ARHGEF11: variants seen among roughly 807,000 people sequenced by gnomAD.
The protein encoded by ARHGEF11 is Rho guanine nucleotide exchange factor 11, also known as Rho guanine exchange factor (GEF) 11.
A neutral mutation model predicts 193.7 loss-of-function variants in ARHGEF11; 55 were observed. That is an observed-to-expected ratio of 0.28 (90% CI 0.23 to 0.36). The LOEUF is 0.36. Ranked by LOEUF, ARHGEF11 falls within the 10% of genes least tolerant of loss-of-function variation. ARHGEF11 has a pLI of 1.00. For synonymous variants in ARHGEF11, 693 were observed against 768.0 expected, an observed-to-expected ratio of 0.90 and a Z score of 1.62; for missense variants, 1,723 against 2,005.6, an observed-to-expected ratio of 0.86 and a Z score of 2.69.
In ARHGEF11 at chr1:156,935,909, G is replaced by T; in HGVS notation, c.*91C>A. 7.2e-7 allele frequency: 1 copy of T among 1,396,904 alleles called. No individual in the cohort carries two copies. The highest frequency in any genetic ancestry group is 9.8e-7 in the Non-Finnish European group (1 of 1,023,502). 86.5% of individuals were successfully genotyped at this position (1,396,904 alleles called of 1,614,324 possible). ...CCCTAACTGCCTCCTCCACAGGGAG[G>T]AGTGTTGGGATCCCCCCTACCCTGT... On this transcript the variant is annotated 3_prime_UTR_variant, in exon 41 of 41. Coordinates refer to ENST00000368194, the MANE Select transcript of ARHGEF11 (RefSeq NM_198236.3).
intron 27 of ARHGEF11, 42 bp from the exon 28 acceptor site, chr1:156,946,829 T>C (rs1375929821): frequency 8.1e-6 from 13 of 1,605,794 alleles, no homozygotes; most frequent in Non-Finnish European, 1.0e-5. Flanking sequence ...ATCAAACCCC[T>C]GCCTGGGACC....
chr1:156,962,308 G>A (rs1449885819), intron 13 of ARHGEF11, among the ~76,000 whole-genome samples: 1 of 152,136 alleles, frequency 6.6e-6, no homozygotes, highest in African/African-American at 2.4e-5. Flanking sequence ...AGACAAAACA[G>A]CAGCCCATGC....
intron 35 of ARHGEF11, 145 bp downstream of exon 35, chr1:156,941,227 C>A: frequency 1.4e-6 from 1 of 698,738 alleles, no homozygotes; most frequent in East Asian, 2.9e-5. Flanking sequence ...GACTCTTCCT[C>A]CCGCCCTGTT....
At position 156,963,555 on chromosome 1, in the gene ARHGEF11, C is replaced by G. The variant is rs1278316344; in HGVS notation, c.1003G>C (p.Glu335Gln). The stretch of plus-strand genomic sequence containing the variant: ...AAATAACCCGGGTCATAGTCTTCCT[C>G]TGGGCCAATAATTAAAGGCTTTGGG... ...QSPKPLIIGP[E>Q]EDYDPGYFNN... is the part of the protein sequence containing the mutation. The change falls in exon 12 of 41, where the codon GAG becomes CAG. Residue 335 changes from glutamate (E) to glutamine (Q), a missense_variant. Physicochemically the swap from Glu to Gln is conservative, Grantham distance 29. Around this residue, in one of 5 missense-constraint regions of ARHGEF11, gnomAD observed 646 missense variants for 710.7 expected, o/e 0.91. Coordinates refer to ENST00000368194, the MANE Select transcript of ARHGEF11 (RefSeq NM_198236.3). 1.2e-6 allele frequency: 2 copies of G among 1,613,882 alleles called. No individual in the cohort carries two copies. Among genetic ancestry groups the G allele is most frequent in the Non-Finnish European group, 1.7e-6 (2 of 1,179,924 alleles).
intron 30 of ARHGEF11, among the ~76,000 whole-genome samples, 177 bp downstream of exon 30, chr1:156,944,842 T>C (rs1557831580): frequency 6.6e-6 from 1 of 152,218 alleles, no homozygotes; most frequent in Non-Finnish European, 1.5e-5. Flanking sequence ...CGGCCTGCCT[T>C]GTCCATCTAG....
chr1:156,940,560 G>A, intron 35 of ARHGEF11, 135 bp from the exon 36 acceptor site: 2 of 720,272 alleles, frequency 2.8e-6, no homozygotes, highest in South Asian at 2.4e-5. Context: ...ACTTCCCATG[G>A]CCAGCACTGT....
At chr1:156,950,335 G>C (rs1658888331) in intron 22 of ARHGEF11, among the ~76,000 whole-genome samples, 1 of 152,162 alleles carries the variant, frequency 6.6e-6, no homozygotes, top group Non-Finnish European at 1.5e-5. Context: ...TTGATAATTA[G>C]TTATTTCAAA....
At chr1:156,941,478 C>A in intron 34 of ARHGEF11, 45 bp from the exon 35 acceptor site, 1 of 1,581,998 alleles carries the variant, frequency 6.3e-7, no homozygotes, top group East Asian at 2.2e-5. Context: ...TGAGATTCCA[C>A]CCTGGACTCA....
At chr1:156,947,538 C>A in intron 25 of ARHGEF11, 88 bp from the exon 26 acceptor site, 1 of 1,440,058 alleles carries the variant, frequency 6.9e-7, no homozygotes. Context: ...GTTCCCACAC[C>A]ACTCTATTTT....
Position 156,935,928 on chromosome 1 carries a change from A to T in ARHGEF11, c.*72T>A. ...AGGGAGGAGTGTTGGGATCCCCCCT[A>T]CCCTGTGCCCCGGTCTCAGGCCAGT... On this transcript the variant is annotated 3_prime_UTR_variant, in exon 41 of 41. Transcript: ENST00000368194. 1 of 1,517,910 alleles carries T rather than the reference A, an allele frequency of 6.6e-7. No individual in the cohort carries two copies. The highest frequency in any genetic ancestry group is 9.0e-7 in the Non-Finnish European group (1 of 1,111,786). 94.0% of individuals were successfully genotyped at this position (1,517,910 alleles called of 1,614,324 possible).
intron 1 of ARHGEF11, among the ~76,000 whole-genome samples, chr1:157,042,771 C>T (rs534554160): frequency 1.3e-5 from 2 of 152,296 alleles, no homozygotes; most frequent in African/African-American, 4.8e-5. Context: ...ACTTGGGTTC[C>T]CATCTTCTCA....
Position 157,044,382 on chromosome 1 carries a change from T to C in ARHGEF11, c.-52A>G. On this transcript the variant is annotated 5_prime_UTR_variant, in exon 1 of 41. Transcript: ENST00000368194. ...GAATCCTGTAGCTTTGGTGTCTTGA[T>C]CAGGATTGAATCGCTTGCAATTTTT... The C allele has an allele frequency of 1.3e-6, 2 of 1,598,036 alleles. No homozygotes were observed. The highest frequency in any genetic ancestry group is 1.7e-6 in the Non-Finnish European group (2 of 1,165,884).
intron 37 of ARHGEF11, chr1:156,938,887 A>C (rs1165628992): frequency 4.3e-6 from 1 of 230,588 alleles, no homozygotes; most frequent in Admixed American, 5.6e-5. Context: ...CCACCCTCTC[A>C]GACCAGCCCA....
At chr1:156,959,943 C>CCCCCCAA (rs1553204878) in intron 15 of ARHGEF11, among the ~76,000 whole-genome samples, 2 of 97,100 alleles carry the variant, frequency 2.1e-5, no homozygotes, top group African/African-American at 3.9e-5. Flanking sequence ...CCCCCCCCCC[C>CCCCCCAA]AAAAAAAACA....
intron 13 of ARHGEF11, among the ~76,000 whole-genome samples, chr1:156,962,892 A>C (rs1381136629): frequency 6.7e-6 from 1 of 150,166 alleles, no homozygotes; most frequent in Non-Finnish European, 1.5e-5. Flanking sequence ...AAAAAAAAAA[A>C]AAAAAAAAAA....
intron 1 of ARHGEF11, among the ~76,000 whole-genome samples, chr1:157,026,510 A>G (rs1670660357): frequency 6.6e-6 from 1 of 152,214 alleles, no homozygotes; most frequent in Admixed American, 6.5e-5. Context: ...TAGAGAAGGT[A>G]GGGCTAGAAC....
intron 1 of ARHGEF11, among the ~76,000 whole-genome samples, chr1:157,024,573 C>A (rs1241150827): frequency 6.6e-6 from 1 of 152,098 alleles, no homozygotes; most frequent in Non-Finnish European, 1.5e-5. Context: ...ACTCGCTAAC[C>A]TCAAAAAACT....
At chr1:157,010,029 C>G (rs2102775241) in intron 1 of ARHGEF11, among the ~76,000 whole-genome samples, 1 of 152,220 alleles carries the variant, frequency 6.6e-6, no homozygotes, top group East Asian at 1.9e-4. Context: ...CCCCTAAGGT[C>G]AGCAACAAGA....
At chr1:157,026,511 G>C (rs952501287) in intron 1 of ARHGEF11, among the ~76,000 whole-genome samples, 1 of 152,138 alleles carries the variant, frequency 6.6e-6, no homozygotes, top group African/African-American at 2.4e-5. Context: ...AGAGAAGGTA[G>C]GGCTAGAACT....
Sources: allele counts gnomAD v4.1 joint callset (sites outside exome capture counted in the v4.1 genomes callset), GRCh38; gene constraint gnomAD v4.1.1; regional missense constraint gnomAD v4.1.1; transcripts MANE v1.5; gene names NCBI Gene and HGNC (gene_info 2026-07-23, HGNC 2026-07-21).